The following ADGRA2 variants were observed in gnomAD, a reference collection of about 807,000 sequenced individuals.
ADGRA2 encodes the protein adhesion G protein-coupled receptor A2.
In ADGRA2, 61 loss-of-function variants were observed where a neutral mutation model predicts 98.7. The observed-to-expected ratio is 0.62, with a 90% CI of 0.50 to 0.76. The LOEUF is 0.76. Ranked by LOEUF, ADGRA2 falls within the 30% of genes least tolerant of loss-of-function variation. The pLI, the probability that ADGRA2 is intolerant of heterozygous loss-of-function variation, is 0.00. For synonymous variants in ADGRA2, 858 were observed against 831.5 expected (o/e 1.03, Z -0.55); for missense variants, 1,712 against 1,860.0 (o/e 0.92, Z 1.46).
intron 1 of ADGRA2, among the ~76,000 whole-genome samples, chr8:37,813,425 T>G (rs1804895244): frequency 6.6e-6 from 1 of 152,118 alleles, no homozygotes; most frequent in Admixed American, 6.6e-5. Flanking sequence ...ATAAATAAAA[T>G]AATAACGTGA....
intron 2 of ADGRA2, among the ~76,000 whole-genome samples, chr8:37,826,893 C>G (rs1805299569): frequency 6.7e-6 from 1 of 149,918 alleles, no homozygotes; most frequent in Non-Finnish European, 1.5e-5. Flanking sequence ...CAGCCCCCAA[C>G]CCTGACCCCC....
chr8:37,833,311 C>T (rs1032507154), intron 9 of ADGRA2, 103 bp downstream of exon 9: 2 of 897,918 alleles, frequency 2.2e-6, no homozygotes, highest in East Asian at 2.6e-5. Context: ...GGCCGCTGGG[C>T]TGTGCCTCCT....
At chr8:37,813,590 AC>A (rs1469914104) in intron 1 of ADGRA2, among the ~76,000 whole-genome samples, 1 of 152,118 alleles carries the variant, frequency 6.6e-6, no homozygotes, top group East Asian at 1.9e-4. Flanking sequence ...AGGAAATGTC[AC>A]CACTGGGGGG....
In ADGRA2 at chr8:37,814,874, T is replaced by C. The variant is rs771992014; in HGVS notation, c.267-22T>C. 1 of 1,588,890 alleles carries C rather than the reference T, an allele frequency of 6.3e-7. No individual in the cohort carries two copies. The highest frequency in any genetic ancestry group is 1.7e-4 in the Middle Eastern group (1 of 6,024). On this transcript the variant is annotated intron_variant, in intron 1 of 18. Coordinates refer to ENST00000412232, the MANE Select transcript of ADGRA2 (RefSeq NM_032777.10). This position sits in a 1 kb window ranked among gnomAD's most constrained non-coding sequence, Gnocchi z 4.3. ...GCACATAACAGCACCTTGTCCTGTCTGTGTCCTCTCTGTCTCTTCAGGCTC... is the reference window on the plus strand; with the variant it reads ...GCACATAACAGCACCTTGTCCTGTCCGTGTCCTCTCTGTCTCTTCAGGCTC...
At chr8:37,805,748 A>G (rs569536232) in intron 1 of ADGRA2, among the ~76,000 whole-genome samples, 1 of 152,194 alleles carries the variant, frequency 6.6e-6, no homozygotes, top group African/African-American at 2.4e-5. Flanking sequence ...GCGCGCCTGT[A>G]ATCCCAGCTA....
Position 37,841,419 on chromosome 8 carries a change from C to G in ADGRA2, c.3081C>G (p.Phe1027Leu). 1 of 1,613,038 alleles carries G rather than the reference C, an allele frequency of 6.2e-7. No homozygotes were observed. Among genetic ancestry groups the G allele is most frequent in the Non-Finnish European group, 8.5e-7 (1 of 1,179,874 alleles). Residue 1027 changes from phenylalanine (F) to leucine (L), a missense_variant, in exon 19 of 19, where the codon TTC (phenylalanine) becomes TTG (leucine). Transcript: ENST00000412232. This position sits in a 1 kb window ranked among gnomAD's most constrained non-coding sequence, Gnocchi z 5.0. ...TAGGGGCGCTGGTGACCACGCACTT[C>G]CTGTACTTGGCCATGTGGGCCTGCG... Reference protein sequence around the residue: ...VQLGALVTTHFLYLAMWACGA... With the variant: ...VQLGALVTTHLLYLAMWACGA...
chr8:37,842,251 GCCC>G lies in ADGRA2; in HGVS notation c.3916_3918del (p.Pro1306del). On this transcript the variant is annotated inframe_deletion, in exon 19 of 19. Transcript: ENST00000412232. ...GCTCAACGCCGCCAGCCTAAACGGC[GCCC>G]CCAAGGGGGGCAAGTACGACGACGT... The G allele has an allele frequency of 6.4e-7, 1 of 1,558,338 alleles. No homozygotes were observed. The highest frequency in any genetic ancestry group is 8.7e-7 in the Non-Finnish European group (1 of 1,152,732).
intron 1 of ADGRA2, among the ~76,000 whole-genome samples, chr8:37,810,157 T>C (rs1019319439): frequency 6.6e-6 from 1 of 151,850 alleles, no homozygotes; most frequent in African/African-American, 2.4e-5. Context: ...TACATTGAGT[T>C]AGATCATATA....
chr8:37,829,081 G>C (rs1024414910), intron 3 of ADGRA2, 122 bp downstream of exon 3: 2 of 820,182 alleles, frequency 2.4e-6, no homozygotes, highest in Admixed American at 2.6e-5. Context: ...TTCCGCTTGG[G>C]TGCCTTGGCT....
In ADGRA2 at chr8:37,844,676, C is replaced by A; in HGVS notation, c.*2321C>A. 2.5e-6 allele frequency: 4 copies of A among 1,614,088 alleles called. No homozygotes were observed. Among genetic ancestry groups the A allele is most frequent in the Non-Finnish European group, 3.4e-6 (4 of 1,180,032 alleles). ...TCGGGGACTTCAACATGCAGGGTGG[C>A]AAGAGAAGGGCAGGACTGGCCGGCC... On this transcript the variant is annotated 3_prime_UTR_variant, in exon 19 of 19. Transcript: ENST00000412232.
chr8:37,797,525 C>A lies in ADGRA2; in HGVS notation c.257C>A (p.Thr86Asn). Residue 86 changes from threonine to asparagine, a missense_variant, in exon 1 of 19, where the codon ACC becomes AAC. Coordinates refer to ENST00000412232, the MANE Select transcript of ADGRA2 (RefSeq NM_032777.10). The surrounding 1 kb of genome is among the most constrained non-coding windows in gnomAD (Gnocchi z 5.3). The part of the protein sequence containing the change: ...PPEPGLLPNG[T>N]VTLLLSNNKI... ...GAGCCCGGCCTTCTGCCTAACGGCA[C>A]CGTTACCCTGTGAGTACCCTACCAG... is the stretch of plus-strand genomic sequence containing the variant. 7.1e-7 allele frequency: 1 copy of A among 1,398,998 alleles called. No individual in the cohort carries two copies. The highest frequency in any genetic ancestry group is 9.3e-7 in the Non-Finnish European group (1 of 1,072,792). 86.7% of individuals were successfully genotyped at this position (1,398,998 alleles called of 1,614,324 possible). A position where few individuals can be genotyped will look rare whatever the true frequency, so the allele number is the denominator to read the frequency against.
In ADGRA2 at chr8:37,843,275, A is replaced by C. The variant is rs528866146; in HGVS notation, c.*920A>C. ...GACCCATCTCCCTAGTCTCAGCCTT[A>C]CAACACCACGGGACTAAGGAAGAGC... On this transcript the variant is annotated 3_prime_UTR_variant, in exon 19 of 19. Coordinates refer to ENST00000412232, the MANE Select transcript of ADGRA2 (RefSeq NM_032777.10). The C allele has an allele frequency of 2.0e-5, 3 of 152,230 alleles. No homozygotes were observed. The highest frequency in any genetic ancestry group is 7.2e-5 in the African/African-American group (3 of 41,448). 9.4% of individuals were successfully genotyped at this position (152,230 alleles called of 1,614,324 possible). A position where few individuals can be genotyped will look rare whatever the true frequency, so the allele number is the denominator to read the frequency against.
intron 2 of ADGRA2, among the ~76,000 whole-genome samples, chr8:37,824,321 G>GC (rs1805208615): frequency 6.6e-6 from 1 of 151,272 alleles, no homozygotes; most frequent in South Asian, 2.1e-4. Flanking sequence ...GAGCCATCAT[G>GC]CCCAGCCTGC....
intron 2 of ADGRA2, among the ~76,000 whole-genome samples, chr8:37,821,055 G>A (rs1280477047): frequency 2.0e-5 from 3 of 152,090 alleles, no homozygotes; most frequent in Non-Finnish European, 2.9e-5. Flanking sequence ...CACCTTGCAC[G>A]TCTGTGCCCT....
At chr8:37,798,377 C>T (rs1302550598) in intron 1 of ADGRA2, among the ~76,000 whole-genome samples, 1 of 152,220 alleles carries the variant, frequency 6.6e-6, no homozygotes, top group African/African-American at 2.4e-5. Context: ...CCCTCTTAGT[C>T]AGGGCCTCAG....
In ADGRA2 at chr8:37,797,428, C is replaced by T; in HGVS notation, c.160C>T (p.Leu54=). The T allele has an allele frequency of 7.0e-7, 1 of 1,423,992 alleles. No homozygotes were observed. 88.2% of individuals were successfully genotyped at this position (1,423,992 alleles called of 1,614,324 possible). A position where few individuals can be genotyped will look rare whatever the true frequency, so the allele number is the denominator to read the frequency against. ...CKCSGERPKG[L]SGGVPGPARR... Reference sequence around the variant, plus strand: ...GTGCTCGGGGGAGCGGCCCAAGGGGCTGAGCGGCGGCGTCCCTGGCCCGGC... The same window carrying T: ...GTGCTCGGGGGAGCGGCCCAAGGGGTTGAGCGGCGGCGTCCCTGGCCCGGC... Residue 54 remains leucine, a synonymous_variant, in exon 1 of 19, where the codon CTG becomes TTG. Coordinates refer to ENST00000412232, the MANE Select transcript of ADGRA2 (RefSeq NM_032777.10). The surrounding 1 kb of genome is among the most constrained non-coding windows in gnomAD (Gnocchi z 5.3).
rs543066791 is a variant in ADGRA2 at position 37,839,418 on chromosome 8, G to A, written c.2388-81G>A. ...ACACGCAGATATGTGCCTGCCCCCC[G>A]TGGCTCTCCCAGTGGCCTTGAGACC... On this transcript the variant is annotated intron_variant, in intron 15 of 18. Transcript: ENST00000412232. The A allele has an allele frequency of 6.0e-5, 95 of 1,578,854 alleles. 1 individual carries two copies. In the African/African-American group the frequency reaches 1.0e-3, roughly 17 times the overall value.
chr8:37,820,602 T>C (rs2129969523), intron 2 of ADGRA2, among the ~76,000 whole-genome samples: 1 of 152,346 alleles, frequency 6.6e-6, no homozygotes, highest in East Asian at 1.9e-4. Context: ...GCTGAGGCCA[T>C]GGCAACTTAA....
chr8:37,797,406 C>T lies in ADGRA2; in HGVS notation c.138C>T (p.Cys46=). 1 of 1,430,152 alleles carries T rather than the reference C, an allele frequency of 7.0e-7. No individual in the cohort carries two copies. The highest frequency in any genetic ancestry group is 9.2e-7 in the Non-Finnish European group (1 of 1,090,338). 88.6% of individuals were successfully genotyped at this position (1,430,152 alleles called of 1,614,324 possible). ...GCPLSIRSCK[C]SGERPKGLSG... is the part of the protein sequence containing the mutation. The stretch of plus-strand genomic sequence containing the variant: ...CGCTATCCATCCGCAGCTGCAAGTG[C>T]TCGGGGGAGCGGCCCAAGGGGCTGA... The change falls in exon 1 of 19, where the codon TGC becomes TGT. Residue 46 remains cysteine (C), a synonymous_variant. Transcript: ENST00000412232. The surrounding 1 kb of genome is among the most constrained non-coding windows in gnomAD (Gnocchi z 5.3).
Sources: allele counts gnomAD v4.1 joint callset (sites outside exome capture counted in the v4.1 genomes callset), GRCh38; gene constraint gnomAD v4.1.1; non-coding constraint Gnocchi (gnomAD v3.1); transcripts MANE v1.5; gene names NCBI Gene and HGNC (gene_info 2026-07-23, HGNC 2026-07-21).